Variants in WSCD2 observed in about 807,000 individuals in gnomAD.
The protein encoded by WSCD2 is sialate:O-sulfotransferase 2.
WSCD2 carries 28 observed loss-of-function variants against 55.7 expected under a neutral mutation model. That is an observed-to-expected ratio of 0.50 (90% CI 0.37 to 0.69). WSCD2 has a LOEUF of 0.69. Among genes scored for constraint, WSCD2 ranks in the 30% least tolerant of loss-of-function variants. The pLI, the probability that WSCD2 is intolerant of heterozygous loss-of-function variation, is 0.00. For missense variants in WSCD2, 616 were observed against 762.1 expected (o/e 0.81, Z 2.26); for synonymous variants, 301 against 301.9 (o/e 1.00, Z 0.03).
At chr12:108,156,031 A>G (rs1293561814) in intron 1 of WSCD2, among the ~76,000 whole-genome samples, 1 of 152,196 alleles carries the variant, frequency 6.6e-6, no homozygotes, top group Non-Finnish European at 1.5e-5. Context: ...ATATTGTTCA[A>G]ATGTAATATT....
At chr12:108,161,356 G>T (rs1397531900) in intron 1 of WSCD2, among the ~76,000 whole-genome samples, 1 of 152,178 alleles carries the variant, frequency 6.6e-6, no homozygotes, top group Non-Finnish European at 1.5e-5. Context: ...TTAGGATGAA[G>T]TCATAGTGGA....
intron 1 of WSCD2, among the ~76,000 whole-genome samples, chr12:108,157,534 G>C (rs1310253425): frequency 6.6e-6 from 1 of 152,050 alleles, no homozygotes; most frequent in South Asian, 2.1e-4. Flanking sequence ...CCTTTCCACA[G>C]TTTTCCCTTT....
chr12:108,203,147 T>A (rs1023142036), intron 2 of WSCD2, among the ~76,000 whole-genome samples: 6 of 152,216 alleles, frequency 3.9e-5, no homozygotes, highest in Non-Finnish European at 5.9e-5. Context: ...GTGTAGTAGT[T>A]AGTGCTCCCC....
In WSCD2 at chr12:108,136,933, G is replaced by T. The variant is rs1876288391; in HGVS notation, c.-552+7007G>T. 2.0e-5 allele frequency among the ~76,000 whole-genome samples: 3 copies of T among 152,190 alleles called. No individual in the cohort carries two copies. The South Asian group carries it at 6.2e-4, about 32-fold the overall frequency. On this transcript the variant is annotated intron_variant, in intron 1 of 8. Coordinates refer to ENST00000547525, the MANE Select transcript of WSCD2 (RefSeq NM_014653.4). ...TATCAGTGAGGCTGAGGCTGGGCAG[G>T]CTTGGGTGACTGAATGGCTGGAGGG...
intron 1 of WSCD2, among the ~76,000 whole-genome samples, chr12:108,183,965 C>G (rs1049549303): frequency 6.6e-6 from 1 of 152,158 alleles, no homozygotes; most frequent in Non-Finnish European, 1.5e-5. Context: ...CATGGAAGGG[C>G]CTGGCACATA....
intron 2 of WSCD2, among the ~76,000 whole-genome samples, chr12:108,197,430 G>A (rs1321467958): frequency 3.3e-5 from 5 of 152,126 alleles, no homozygotes; most frequent in African/African-American, 4.8e-5. Flanking sequence ...GTTGGAAGTG[G>A]TAGAATGGAT....
intron 1 of WSCD2, among the ~76,000 whole-genome samples, chr12:108,143,366 G>A (rs1877054095): frequency 6.6e-6 from 1 of 152,158 alleles, no homozygotes; most frequent in African/African-American, 2.4e-5. Flanking sequence ...ACCTCTTTGG[G>A]GGAGGGGCAT....
rs1890248942 is a variant in WSCD2 at position 108,248,557 on chromosome 12, T to G, written c.*214T>G. Reference sequence around the variant, plus strand: ...ACCACTCTGCTCACATGTTCCCCCCTTGGCAATGTGGGGCATCTTGTTTAG... The same window carrying G: ...ACCACTCTGCTCACATGTTCCCCCCGTGGCAATGTGGGGCATCTTGTTTAG... On this transcript the variant is annotated 3_prime_UTR_variant, in exon 9 of 9. Transcript: ENST00000547525. The surrounding 1 kb of genome is among the most constrained non-coding windows in gnomAD (Gnocchi z 4.3). 7.3e-7 allele frequency: 1 copy of G among 1,371,400 alleles called. No individual in the cohort carries two copies. The highest frequency in any genetic ancestry group is 3.0e-5 in the Admixed American group (1 of 32,966). 85.0% of individuals were successfully genotyped at this position (1,371,400 alleles called of 1,614,324 possible).
intron 6 of WSCD2, among the ~76,000 whole-genome samples, chr12:108,229,036 A>G (rs1888445210): frequency 6.6e-6 from 1 of 152,182 alleles, no homozygotes; most frequent in South Asian, 2.1e-4. Context: ...CGCAGATAAC[A>G]ATTCCCTAAT....
intron 4 of WSCD2, among the ~76,000 whole-genome samples, chr12:108,224,361 A>G (rs992547115): frequency 4.6e-5 from 7 of 152,146 alleles, no homozygotes; most frequent in African/African-American, 1.4e-4. Context: ...CCCTGATGAG[A>G]TCACAAAAAT....
chr12:108,186,223 G>C (rs539935697), intron 1 of WSCD2, among the ~76,000 whole-genome samples: 1 of 152,132 alleles, frequency 6.6e-6, no homozygotes, highest in African/African-American at 2.4e-5. Flanking sequence ...AGCCATTTTA[G>C]ATTCATAGCA....
In WSCD2 at chr12:108,195,819, G is replaced by T. The variant is rs772078632; in HGVS notation, c.-14G>T. ...CAGCCAAGCCCCAGAGAGCCAGTCC[G>T]GAATGATCCCACTATGGCCAAGCTC... On this transcript the variant is annotated 5_prime_UTR_variant, in exon 2 of 9. Coordinates refer to ENST00000547525, the MANE Select transcript of WSCD2 (RefSeq NM_014653.4). 1 of 1,595,400 alleles carries T rather than the reference G, an allele frequency of 6.3e-7. No homozygotes were observed. Among genetic ancestry groups the T allele is most frequent in the South Asian group, 1.1e-5 (1 of 87,054 alleles).
At chr12:108,148,460 G>T (rs1229977757) in intron 1 of WSCD2, among the ~76,000 whole-genome samples, 1 of 151,610 alleles carries the variant, frequency 6.6e-6, no homozygotes, top group Admixed American at 6.6e-5. Flanking sequence ...GACAATGGCG[G>T]TGGGTAGTGT....
chr12:108,209,239 A>G (rs6539419), intron 3 of WSCD2, among the ~76,000 whole-genome samples: 111,131 of 151,938 alleles, frequency 0.73, 40,777 homozygotes, highest in East Asian at 0.87. Flanking sequence ...TATTTCCTTG[A>G]TGAATGTGTG....
intron 2 of WSCD2, among the ~76,000 whole-genome samples, chr12:108,199,597 A>G (rs1884398732): frequency 6.6e-6 from 1 of 152,236 alleles, no homozygotes; most frequent in South Asian, 2.1e-4. Flanking sequence ...ACTTAACATC[A>G]GATGGCGTTG....
At position 108,229,132 on chromosome 12, in the gene WSCD2, C is replaced by T. The variant is rs182318285; in HGVS notation, c.979+1968C>T. 1.1e-3 allele frequency among the ~76,000 whole-genome samples: 165 copies of T among 152,316 alleles called. 1 individual carries two copies. Among genetic ancestry groups the T allele is most frequent in the African/African-American group, 3.6e-3 (150 of 41,572 alleles). Reference sequence around the variant, plus strand: ...CCACGTCACTCTTGCAGTTTCTACACACTGGGGAGGTTTGACAGTTATGTG... The same window carrying T: ...CCACGTCACTCTTGCAGTTTCTACATACTGGGGAGGTTTGACAGTTATGTG... On this transcript the variant is annotated intron_variant, in intron 6 of 8. Coordinates refer to ENST00000547525, the MANE Select transcript of WSCD2 (RefSeq NM_014653.4).
At chr12:108,170,057 C>G (rs1364496880) in intron 1 of WSCD2, among the ~76,000 whole-genome samples, 1 of 152,182 alleles carries the variant, frequency 6.6e-6, no homozygotes, top group African/African-American at 2.4e-5. Context: ...TGGCAGGTAG[C>G]TTGCTTTTCT....
In WSCD2 at chr12:108,206,360, A is replaced by G. The variant is rs1375827719; in HGVS notation, c.454A>G (p.Lys152Glu). The G allele has an allele frequency of 6.2e-7, 1 of 1,614,054 alleles. No homozygotes were observed. Among genetic ancestry groups the G allele is most frequent in the East Asian group, 2.2e-5 (1 of 44,898 alleles). Residue 152 changes from lysine (K) to glutamate (E), a missense_variant, in exon 3 of 9, where the codon AAA (lysine) becomes GAA (glutamate). Transcript: ENST00000547525. Reference sequence around the variant, plus strand: ...TCGAGGAGTGTCCTTTTTTGACTACAAAAAGATGACCATCTTCCGTTGCCA... The same window carrying G: ...TCGAGGAGTGTCCTTTTTTGACTACGAAAAGATGACCATCTTCCGTTGCCA... ...ALRGVSFFDY[K>E]KMTIFRCQDN... is the part of the protein sequence containing the mutation.
At chr12:108,229,609 T>A (rs1397483687) in intron 6 of WSCD2, among the ~76,000 whole-genome samples, 1 of 152,202 alleles carries the variant, frequency 6.6e-6, no homozygotes, top group African/African-American at 2.4e-5. Flanking sequence ...GTCACACAGG[T>A]AGGCCATGAC....
Sources: allele counts gnomAD v4.1 joint callset (sites outside exome capture counted in the v4.1 genomes callset), GRCh38; gene constraint gnomAD v4.1.1; non-coding constraint Gnocchi (gnomAD v3.1); transcripts MANE v1.5; gene names NCBI Gene and HGNC (gene_info 2026-07-23, HGNC 2026-07-21).